RPS6KC1: variants seen among roughly 807,000 people sequenced by gnomAD.
The protein encoded by RPS6KC1 is inactive ribosomal protein S6 kinase delta-1.
RPS6KC1 carries 54 observed loss-of-function variants against 103.8 expected under a neutral mutation model. That is an observed-to-expected ratio of 0.52 (90% CI 0.42 to 0.65). The LOEUF (loss-of-function observed/expected upper bound fraction) is 0.65, where lower values mean the gene tolerates loss of function less well. Ranked by LOEUF, RPS6KC1 falls within the 30% of genes least tolerant of loss-of-function variation. The pLI is 0.00. For synonymous variants in RPS6KC1, 439 were observed against 438.7 expected (o/e 1.00, Z -0.01); for missense variants, 1,151 against 1,253.8 (o/e 0.92, Z 1.24).
Position 213,129,622 on chromosome 1 carries a change from A to G in RPS6KC1, c.568A>G (p.Ile190Val), listed in dbSNP as rs1170526648. The G allele has an allele frequency of 2.5e-6, 4 of 1,614,060 alleles. No individual in the cohort carries two copies. Among genetic ancestry groups the G allele is most frequent in the Non-Finnish European group, 3.4e-6 (4 of 1,179,950 alleles). The part of the protein sequence containing the change: ...DGMASNQNSP[I>V]RTFGLNLSSD... ...AATGGCTTCCAATCAAAATTCTCCC[A>G]TTAGAACTTTTGGTCTCAATCTTTC... The change falls in exon 6 of 15, where the codon ATT (isoleucine) becomes GTT (valine). Residue 190 changes from isoleucine (I) to valine (V), a missense_variant. This residue lies in a region of RPS6KC1 where 959 missense variants were observed against 1,006.3 expected (regional missense o/e 0.95). Transcript: ENST00000366960.
the RPS6KC1 span, among the ~76,000 whole-genome samples, chr1:213,719,936 A>G: frequency 6.6e-6 from 1 of 152,146 alleles, no homozygotes; most frequent in Non-Finnish European, 1.5e-5. Flanking sequence ...CTATTTCATT[A>G]TCTTCCATTT....
chr1:213,626,161 T>A, the RPS6KC1 span, among the ~76,000 whole-genome samples: 1 of 152,236 alleles, frequency 6.6e-6, no homozygotes, highest in African/African-American at 2.4e-5. Flanking sequence ...GTTTTTGATT[T>A]GCATTTCTCT....
At chr1:213,813,498 A>G in the RPS6KC1 span, among the ~76,000 whole-genome samples, 1 of 152,156 alleles carries the variant, frequency 6.6e-6, no homozygotes, top group Admixed American at 6.5e-5. Flanking sequence ...AAAAAATATA[A>G]AAAGCCACTC....
At chr1:213,177,897 C>T (rs780451188) in intron 8 of RPS6KC1, among the ~76,000 whole-genome samples, 9 of 151,982 alleles carry the variant, frequency 5.9e-5, no homozygotes, top group Non-Finnish European at 1.2e-4. Flanking sequence ...AGTAGTCTCA[C>T]AGGTTTGTTT....
chr1:213,261,519 C>G, intron 12 of RPS6KC1, 39 bp from the exon 13 acceptor site: 1 of 1,575,778 alleles, frequency 6.3e-7, no homozygotes, highest in Non-Finnish European at 8.7e-7. Context: ...TTTAATTGAC[C>G]TTTGGAATTT....
the RPS6KC1 span, among the ~76,000 whole-genome samples, chr1:213,680,368 G>A: frequency 1.3e-5 from 2 of 152,196 alleles, no homozygotes; most frequent in Non-Finnish European, 2.9e-5. Context: ...GTCCCAGCCC[G>A]GCTCTCCTGG....
chr1:213,207,205 A>G (rs2093374957), intron 8 of RPS6KC1, among the ~76,000 whole-genome samples: 1 of 152,232 alleles, frequency 6.6e-6, no homozygotes, highest in Non-Finnish European at 1.5e-5. Flanking sequence ...CTACAGAAAG[A>G]GGAATAGCTC....
intron 10 of RPS6KC1, among the ~76,000 whole-genome samples, chr1:213,232,864 A>G (rs1383743948): frequency 1.3e-5 from 2 of 152,094 alleles, no homozygotes; most frequent in Non-Finnish European, 2.9e-5. Flanking sequence ...TTTGCCCTTT[A>G]ATACCTGAAT....
intron 8 of RPS6KC1, among the ~76,000 whole-genome samples, chr1:213,217,388 C>T (rs1157064197): frequency 6.6e-6 from 1 of 152,052 alleles, no homozygotes; most frequent in African/African-American, 2.4e-5. Context: ...TAATAGCTTA[C>T]CAACCAAAAA....
At chr1:213,673,054 C>A in the RPS6KC1 span, among the ~76,000 whole-genome samples, 2 of 152,162 alleles carry the variant, frequency 1.3e-5, no homozygotes, top group Non-Finnish European at 2.9e-5. Context: ...TTTTGAGGCT[C>A]CACGCTAAGA....
chr1:213,533,712 A>G, the RPS6KC1 span, among the ~76,000 whole-genome samples: 402 of 152,298 alleles, frequency 2.6e-3, 2 homozygotes, highest in African/African-American at 5.3e-3. Flanking sequence ...ACACGTTGCT[A>G]TAATCTTTTG....
the RPS6KC1 span, among the ~76,000 whole-genome samples, chr1:213,856,549 C>T: frequency 6.7e-6 from 1 of 149,512 alleles, no homozygotes; most frequent in East Asian, 2.0e-4. Context: ...TTTCTCCATT[C>T]CTTCTTTCCT....
intron 12 of RPS6KC1, among the ~76,000 whole-genome samples, chr1:213,243,847 T>A (rs2094406914): frequency 6.6e-6 from 1 of 152,194 alleles, no homozygotes; most frequent in African/African-American, 2.4e-5. Context: ...ATGCTAACCT[T>A]GTTTCTCTGC....
chr1:213,489,922 C>G, the RPS6KC1 span, among the ~76,000 whole-genome samples: 3 of 152,154 alleles, frequency 2.0e-5, no homozygotes, highest in Admixed American at 6.5e-5. Flanking sequence ...GACACTCAGC[C>G]TCTATGCTGC....
chr1:213,656,237 C>T, the RPS6KC1 span, among the ~76,000 whole-genome samples: 2 of 152,156 alleles, frequency 1.3e-5, no homozygotes, highest in East Asian at 3.9e-4. Context: ...ACTGCACTGC[C>T]AATCTCAGCC....
the RPS6KC1 span, among the ~76,000 whole-genome samples, chr1:213,375,905 TA>T: frequency 1.3e-5 from 2 of 152,248 alleles, no homozygotes; most frequent in Admixed American, 1.3e-4. Context: ...CAGCTGCAAC[TA>T]CTAGGCATGC....
the RPS6KC1 span, among the ~76,000 whole-genome samples, chr1:213,333,854 G>A: frequency 0.013 from 1,916 of 152,166 alleles, 41 homozygotes; most frequent in African/African-American, 0.043. Context: ...GCTAATTTTT[G>A]TATTTTTAGT....
At chr1:213,675,151 C>T in the RPS6KC1 span, among the ~76,000 whole-genome samples, 1 of 152,160 alleles carries the variant, frequency 6.6e-6, no homozygotes, top group Non-Finnish European at 1.5e-5. Flanking sequence ...AATCTTTAAG[C>T]TCTTTAGGTT....
the RPS6KC1 span, among the ~76,000 whole-genome samples, chr1:213,394,956 A>T: frequency 1.3e-5 from 2 of 152,202 alleles, no homozygotes; most frequent in Non-Finnish European, 2.9e-5. Flanking sequence ...TGTGGAACTT[A>T]TTGACAGAGG....
Sources: allele counts gnomAD v4.1 joint callset (sites outside exome capture counted in the v4.1 genomes callset), GRCh38; gene constraint gnomAD v4.1.1; regional missense constraint gnomAD v4.1.1; transcripts MANE v1.5; gene names NCBI Gene and HGNC (gene_info 2026-07-23, HGNC 2026-07-21).